The following CARMIL1 variants were observed in gnomAD, a reference collection of about 807,000 sequenced individuals.
CARMIL1 encodes the protein F-actin-uncapping protein LRRC16A.
In CARMIL1, 90 loss-of-function variants were observed where a neutral mutation model predicts 177.1. That is an observed-to-expected ratio of 0.51 (90% CI 0.43 to 0.61). The LOEUF (loss-of-function observed/expected upper bound fraction) is 0.61. Ranked by LOEUF, CARMIL1 falls within the 20% of genes least tolerant of loss-of-function variation. The pLI is 0.00. For synonymous variants in CARMIL1, 577 were observed against 606.2 expected (o/e 0.95, Z 0.71); for missense variants, 1,380 against 1,667.0 (o/e 0.83, Z 3.00).
At chr6:25,451,995 T>TCCCCC (rs748360806) in intron 8 of CARMIL1, 39 of 144,258 alleles carry the variant, frequency 2.7e-4, no homozygotes, top group Admixed American at 4.3e-4. Context: ...TGCCCCCCCC[T>TCCCCC]CCCCCCCCCA....
At position 25,509,790 on chromosome 6, in the gene CARMIL1, A is replaced by G; in HGVS notation, c.1477+53A>G. The G allele has an allele frequency of 8.1e-7, 1 of 1,237,006 alleles. No individual in the cohort carries two copies. Among genetic ancestry groups the G allele is most frequent in the South Asian group, 1.3e-5 (1 of 76,144 alleles). 76.6% of individuals were successfully genotyped at this position (1,237,006 alleles called of 1,614,324 possible). On this transcript the variant is annotated intron_variant, in intron 18 of 36. Transcript: ENST00000329474. The surrounding 1 kb of genome is among the most constrained non-coding windows in gnomAD (Gnocchi z 4.1). ...ACTGAAATATTTTTTGAAGCAAGTT[A>G]ATAAGGGGAAAATAATCTTCTACCC...
chr6:25,477,712 T>C (rs1582086827), intron 11 of CARMIL1, among the ~76,000 whole-genome samples: 1 of 152,088 alleles, frequency 6.6e-6, no homozygotes, highest in East Asian at 1.9e-4. Flanking sequence ...CTAATACTAA[T>C]ATATGTGTGT....
intron 2 of CARMIL1, among the ~76,000 whole-genome samples, chr6:25,413,728 AG>A (rs984323096): frequency 1.1e-4 from 17 of 152,294 alleles, no homozygotes; most frequent in African/African-American, 3.8e-4. Flanking sequence ...GGGCCTTCCC[AG>A]GGGAGGTGGG....
chr6:25,587,002 CAGAGGG>C (rs201749532), intron 31 of CARMIL1, among the ~76,000 whole-genome samples: 1,840 of 116,182 alleles, frequency 0.016, 39 homozygotes, highest in African/African-American at 0.052. Flanking sequence ...ACCGTGGAGA[CAGAGGG>C]AGAGGGAGAG....
intron 2 of CARMIL1, among the ~76,000 whole-genome samples, chr6:25,339,249 A>G (rs1216762858): frequency 6.6e-6 from 1 of 152,214 alleles, no homozygotes; most frequent in Admixed American, 6.5e-5. Flanking sequence ...CCTCTTGCGA[A>G]GTCATTTGAA....
intron 2 of CARMIL1, among the ~76,000 whole-genome samples, chr6:25,356,023 G>A (rs917898576): frequency 6.6e-6 from 1 of 150,424 alleles, no homozygotes; most frequent in African/African-American, 2.4e-5. Flanking sequence ...AGGTTTCTTT[G>A]GCTGGACTTT....
intron 2 of CARMIL1, among the ~76,000 whole-genome samples, chr6:25,368,052 A>G (rs1790025247): frequency 6.6e-6 from 1 of 152,092 alleles, no homozygotes; most frequent in Non-Finnish European, 1.5e-5. Flanking sequence ...GAGCCACCGC[A>G]CCCGGCTGCA....
At chr6:25,420,419 C>G in intron 3 of CARMIL1, 1 of 428,032 alleles carries the variant, frequency 2.3e-6, no homozygotes, top group South Asian at 3.3e-5. Context: ...TCCTTTGTTC[C>G]CTCTCTTTGT....
At chr6:25,336,074 C>G (rs1283046087) in intron 2 of CARMIL1, among the ~76,000 whole-genome samples, 5 of 151,484 alleles carry the variant, frequency 3.3e-5, no homozygotes, top group African/African-American at 1.2e-4. Context: ...CATCCCCCTT[C>G]CACCCATCTT....
intron 8 of CARMIL1, among the ~76,000 whole-genome samples, chr6:25,463,444 C>T (rs894875257): frequency 3.9e-5 from 6 of 152,052 alleles, no homozygotes; most frequent in South Asian, 4.1e-4. Context: ...TTCATGATTC[C>T]GTAGAGTGAT....
Position 25,279,579 on chromosome 6 carries a change from A to AACTC in CARMIL1, c.-217_-216insACTC, listed in dbSNP as rs1432425393. 8.4e-6 allele frequency: 5 copies of AACTC among 597,018 alleles called. No individual in the cohort carries two copies. The highest frequency in any genetic ancestry group is 1.5e-5 in the Non-Finnish European group (5 of 333,862). 37.0% of individuals were successfully genotyped at this position (597,018 alleles called of 1,614,324 possible). A position where few individuals can be genotyped will look rare whatever the true frequency, so the allele number is the denominator to read the frequency against. Reference sequence around the variant, plus strand: ...GAACTGCGAGGAGGCGTCATGTAGCAGCAGCAGCAAATCCGCCTCGCATTT... The same window carrying AACTC: ...GAACTGCGAGGAGGCGTCATGTAGCAACTCGCAGCAGCAAATCCGCCTCGCATTT... On this transcript the variant is annotated 5_prime_UTR_variant, in exon 1 of 37. Transcript: ENST00000329474.
At chr6:25,421,042 G>A (rs1795814579) in intron 3 of CARMIL1, among the ~76,000 whole-genome samples, 1 of 152,186 alleles carries the variant, frequency 6.6e-6, no homozygotes, top group African/African-American at 2.4e-5. Flanking sequence ...ACTTGACCAA[G>A]GTTAAACTTC....
At chr6:25,338,050 G>T (rs572698968) in intron 2 of CARMIL1, among the ~76,000 whole-genome samples, 3 of 151,800 alleles carry the variant, frequency 2.0e-5, no homozygotes, top group Non-Finnish European at 4.4e-5. Context: ...TGAGGTCGGG[G>T]GTTCAAGACC....
intron 24 of CARMIL1, among the ~76,000 whole-genome samples, chr6:25,530,343 C>G (rs1456249626): frequency 2.0e-5 from 3 of 152,088 alleles, no homozygotes; most frequent in Non-Finnish European, 4.4e-5. Context: ...AACCCTGTCT[C>G]TACTAAACAT....
At chr6:25,445,157 C>T (rs1798107531) in intron 5 of CARMIL1, among the ~76,000 whole-genome samples, 2 of 152,208 alleles carry the variant, frequency 1.3e-5, no homozygotes, top group Admixed American at 6.5e-5. Flanking sequence ...GAAGTAGATT[C>T]CATCTCAAGA....
At position 25,600,174 on chromosome 6, in the gene CARMIL1, G is replaced by A. The variant is rs576141543; in HGVS notation, c.3120-140G>A. The A allele has an allele frequency of 1.7e-4, 121 of 712,748 alleles. 1 individual carries two copies. Among genetic ancestry groups the A allele is most frequent in the African/African-American group, 1.4e-3 (78 of 56,124 alleles). The allele number at this position is 712,748 out of a possible 1,614,324, so 44.2% of individuals were successfully genotyped here. A position where few individuals can be genotyped will look rare whatever the true frequency, so the allele number is the denominator to read the frequency against. ...ACATTCCTTTCTGTTTCCTAAGGGC[G>A]GTAACTCAAATCTGCTTTTAAAAAT... On this transcript the variant is annotated intron_variant, in intron 32 of 36. Coordinates refer to ENST00000329474, the MANE Select transcript of CARMIL1 (RefSeq NM_017640.6).
Position 25,509,697 on chromosome 6 carries a change from T to G in CARMIL1, c.1437T>G (p.Ala479=). Residue 479 remains alanine, a synonymous_variant, in exon 18 of 37, where the codon GCT becomes GCG. Coordinates refer to ENST00000329474, the MANE Select transcript of CARMIL1 (RefSeq NM_017640.6). The surrounding 1 kb of genome is among the most constrained non-coding windows in gnomAD (Gnocchi z 4.1). ...GGAQVLEGCI[A]EIHNITSLDI... ...CTCAAGTATTAGAAGGTTGCATTGC[T>G]GAAATACACAACATCACCAGCTTAG... 1 of 1,603,624 alleles carries G rather than the reference T, an allele frequency of 6.2e-7. No homozygotes were observed. The highest frequency in any genetic ancestry group is 8.5e-7 in the Non-Finnish European group (1 of 1,174,664).
At chr6:25,618,236 A>G (rs1759441691) in intron 36 of CARMIL1, among the ~76,000 whole-genome samples, 1 of 151,374 alleles carries the variant, frequency 6.6e-6, no homozygotes, top group Non-Finnish European at 1.5e-5. Flanking sequence ...AGTGAGTTCA[A>G]CATTTTAGTA....
At chr6:25,390,293 C>CATATATATATATATATAT (rs397887367) in intron 2 of CARMIL1, among the ~76,000 whole-genome samples, 20 of 84,852 alleles carry the variant, frequency 2.4e-4, no homozygotes, top group South Asian at 4.0e-4. Context: ...TATATATTTA[C>CATATATATATATATATAT]ATATATATAT....
Sources: allele counts gnomAD v4.1 joint callset (sites outside exome capture counted in the v4.1 genomes callset), GRCh38; gene constraint gnomAD v4.1.1; non-coding constraint Gnocchi (gnomAD v3.1); transcripts MANE v1.5; gene names NCBI Gene and HGNC (gene_info 2026-07-23, HGNC 2026-07-21).